Variants in NOL11 observed in about 807,000 individuals in gnomAD.
NOL11 encodes nucleolar protein 11.
A neutral mutation model predicts 93.0 loss-of-function variants in NOL11; 42 were observed. That is an observed-to-expected ratio of 0.45 (90% CI 0.35 to 0.58). The LOEUF is 0.58. Among genes scored for constraint, NOL11 ranks in the 20% least tolerant of loss-of-function variants. The probability of loss-of-function intolerance (pLI) is 0.00; values close to 1 mark genes in which losing one functional copy is unlikely to be tolerated. For synonymous variants in NOL11, 296 were observed against 293.7 expected (o/e 1.01, Z -0.08); for missense variants, 775 against 841.8 (o/e 0.92, Z 0.98).
chr17:67,735,453 C>G (rs1461375210), intron 8 of NOL11, among the ~76,000 whole-genome samples: 2 of 151,702 alleles, frequency 1.3e-5, no homozygotes, highest in East Asian at 1.9e-4. Flanking sequence ...TTTATTATTA[C>G]AAACTTTTTT....
intron 16 of NOL11, chr17:67,740,664 A>G (rs987000266): frequency 2.6e-5 from 4 of 154,336 alleles, no homozygotes; most frequent in African/African-American, 7.2e-5. Flanking sequence ...AAAATAATGT[A>G]TTTACCCTCC....
At chr17:67,743,342 C>A in intron 16 of NOL11, 137 bp from the exon 17 acceptor site, 1 of 448,170 alleles carries the variant, frequency 2.2e-6, no homozygotes, top group Non-Finnish European at 4.0e-6. Context: ...GAAATTGCTC[C>A]ATCTCTAAAC....
At chr17:67,730,615 A>T (rs1391715779) in intron 7 of NOL11, among the ~76,000 whole-genome samples, 1 of 147,322 alleles carries the variant, frequency 6.8e-6, no homozygotes, top group African/African-American at 2.5e-5. Flanking sequence ...TTACTGGGTC[A>T]TGCGTTAATT....
intron 6 of NOL11, among the ~76,000 whole-genome samples, chr17:67,724,459 G>A (rs1196506706): frequency 2.6e-5 from 4 of 151,478 alleles, no homozygotes; most frequent in Middle Eastern, 3.4e-3. Flanking sequence ...TCAGCCTCCT[G>A]AGTAGCTGGG....
At chr17:67,732,788 G>A (rs1470852951) in intron 7 of NOL11, among the ~76,000 whole-genome samples, 1 of 151,256 alleles carries the variant, frequency 6.6e-6, no homozygotes, top group Non-Finnish European at 1.5e-5. Flanking sequence ...TGCCCCGGCT[G>A]GTCTCCAACT....
chr17:67,718,957 A>G (rs2043196433), intron 1 of NOL11, among the ~76,000 whole-genome samples: 1 of 152,236 alleles, frequency 6.6e-6, no homozygotes, highest in Non-Finnish European at 1.5e-5. Context: ...AGATGTCCCT[A>G]CTTAATTTCC....
rs765383045 is a variant in NOL11 at position 67,739,520 on chromosome 17, T to A, written c.1847T>A (p.Phe616Tyr). 1 of 1,574,798 alleles carries A rather than the reference T, an allele frequency of 6.4e-7. No individual in the cohort carries two copies. Among genetic ancestry groups the A allele is most frequent in the Non-Finnish European group, 8.6e-7 (1 of 1,164,708 alleles). ...TCCATTTTTTTTCCCACCCAGCTGT[T>A]TCTTAAGTATTTGTATTTCCTGTAC... ...KDIPAQHITL[F>Y]LKYLYFLYLK... Residue 616 changes from phenylalanine (F) to tyrosine (Y), a missense_variant, in exon 16 of 18, where the codon TTT becomes TAT. Transcript: ENST00000253247.
intron 2 of NOL11, 46 bp downstream of exon 2, chr17:67,719,833 T>TA (rs753753191): frequency 6.8e-7 from 1 of 1,466,568 alleles, no homozygotes; most frequent in South Asian, 1.2e-5. Context: ...TAAATGTTGA[T>TA]TATTAACTAT....
At position 67,743,880 on chromosome 17, in the gene NOL11, A is replaced by C; in HGVS notation, c.*21A>C. ...TCTGATATTATCAATTCTCCTTCAT[A>C]GACATTTTATAAAGCTCTTTTATGT... is the stretch of plus-strand genomic sequence containing the variant. On this transcript the variant is annotated 3_prime_UTR_variant, in exon 18 of 18. Coordinates refer to ENST00000253247, the MANE Select transcript of NOL11 (RefSeq NM_015462.5). 1 of 1,184,184 alleles carries C rather than the reference A, an allele frequency of 8.4e-7. No homozygotes were observed. The highest frequency in any genetic ancestry group is 1.4e-5 in the South Asian group (1 of 71,126). 73.4% of individuals were successfully genotyped at this position (1,184,184 alleles called of 1,614,324 possible).
intron 15 of NOL11, 93 bp from the exon 16 acceptor site, chr17:67,739,423 A>C: frequency 1.4e-6 from 1 of 712,840 alleles, no homozygotes. Context: ...TTGATGTATA[A>C]ATTGAACATT....
intron 6 of NOL11, 29 bp from the exon 7 acceptor site, chr17:67,726,431 A>G (rs1314725907): frequency 5.1e-6 from 8 of 1,576,006 alleles, no homozygotes; most frequent in Non-Finnish European, 6.9e-6. Context: ...ATCCTTCAAT[A>G]ACCAACAACA....
chr17:67,732,500 A>G (rs1344048178), intron 7 of NOL11, among the ~76,000 whole-genome samples: 7 of 152,018 alleles, frequency 4.6e-5, no homozygotes. Context: ...TCAAAAAAAA[A>G]AAAAAAAAAT....
At position 67,738,198 on chromosome 17, in the gene NOL11, G is replaced by C. The variant is rs775277312; in HGVS notation, c.1606G>C (p.Asp536His). 3.1e-6 allele frequency: 5 copies of C among 1,613,330 alleles called. No homozygotes were observed. The highest frequency in any genetic ancestry group is 3.4e-6 in the Non-Finnish European group (4 of 1,179,628). ...VFDYSINSVH[D>H]EKMEEQTEIL... The stretch of plus-strand genomic sequence containing the variant: ...TGACTATAGTATAAATTCTGTACAT[G>C]ATGAGAAAATGGAAGAGCAAACTGA... Residue 536 changes from aspartate (D) to histidine (H), a missense_variant, in exon 14 of 18, where the codon GAT becomes CAT. Transcript: ENST00000253247.
At chr17:67,725,201 G>A (rs1053915851) in intron 6 of NOL11, among the ~76,000 whole-genome samples, 22 of 152,140 alleles carry the variant, frequency 1.4e-4, no homozygotes, top group Non-Finnish European at 2.9e-4. Flanking sequence ...TCTATGCTTG[G>A]CATTGAATGG....
intron 3 of NOL11, among the ~76,000 whole-genome samples, chr17:67,720,805 A>C (rs1294822345): frequency 6.6e-6 from 1 of 152,220 alleles, no homozygotes; most frequent in Admixed American, 6.5e-5. Context: ...GAAGTGGCTC[A>C]CAATAGGGTT....
In NOL11 at chr17:67,722,585, C is replaced by T. The variant is rs770824573; in HGVS notation, c.467C>T (p.Thr156Ile). 1 of 1,567,950 alleles carries T rather than the reference C, an allele frequency of 6.4e-7. No individual in the cohort carries two copies. The highest frequency in any genetic ancestry group is 2.4e-5 in the East Asian group (1 of 41,912). ...VISDEEVIKW[T>I]KFFVVFRHPV... is the part of the protein sequence containing the mutation. ...TCTTTTTTCTTTTTTTGTAGATGGA[C>T]AAAGTTTTTCGTAGTATTCAGACAT... Residue 156 changes from threonine (T) to isoleucine (I), a missense_variant, in exon 5 of 18, where the codon ACA becomes ATA. Thr to Ile is a moderately conservative substitution (Grantham distance 89). Coordinates refer to ENST00000253247, the MANE Select transcript of NOL11 (RefSeq NM_015462.5).
At position 67,738,238 on chromosome 17, in the gene NOL11, G is replaced by A. The variant is rs2055221509; in HGVS notation, c.1646G>A (p.Gly549Asp). 1 of 1,613,044 alleles carries A rather than the reference G, an allele frequency of 6.2e-7. No homozygotes were observed. The highest frequency in any genetic ancestry group is 1.3e-5 in the African/African-American group (1 of 74,862). Residue 549 changes from glycine to aspartate, a missense_variant, in exon 14 of 18, where the codon GGC (glycine) becomes GAC (aspartate). Physicochemically the swap from Gly to Asp is moderately conservative, Grantham distance 94 (BLOSUM62 -1). Around this residue, in one of 2 missense-constraint regions of NOL11, gnomAD observed 416 missense variants for 525.2 expected, o/e 0.79. Transcript: ENST00000253247. ...GAGCAAACTGAAATTCTTCAAAATG[G>A]CTTCAATCCTGAAGAAGATAAATGC... ...MEEQTEILQN[G>D]FNPEEDKCNN...
rs749883787 is a variant in NOL11, at chr17:67,717,964, A to G, written c.17A>G (p.Glu6Gly). 3.1e-6 allele frequency: 5 copies of G among 1,614,044 alleles called. No homozygotes were observed. The African/African-American group carries it at 4.0e-5, about 13-fold the overall frequency. Residue 6 changes from glutamate (E) to glycine (G), a missense_variant, in exon 1 of 18, where the codon GAA (glutamate) becomes GGA (glycine). Around this residue, in one of 2 missense-constraint regions of NOL11, gnomAD observed 359 missense variants for 316.5 expected, o/e 1.13. Transcript: ENST00000253247. MAALE[E>G]EFTLSSVVLS... ...TTGCTCAAAATGGCAGCGCTGGAGG[A>G]AGAATTCACGTTGTCTTCGGTAGTC...
intron 7 of NOL11, among the ~76,000 whole-genome samples, chr17:67,730,656 T>A (rs1214138288): frequency 2.0e-5 from 3 of 152,164 alleles, no homozygotes; most frequent in Non-Finnish European, 2.9e-5. Flanking sequence ...TTTTAATTTT[T>A]ATGGGTACAT....
Sources: allele counts gnomAD v4.1 joint callset (sites outside exome capture counted in the v4.1 genomes callset), GRCh38; gene constraint gnomAD v4.1.1; regional missense constraint gnomAD v4.1.1; transcripts MANE v1.5; gene names NCBI Gene and HGNC (gene_info 2026-07-23, HGNC 2026-07-21).